GALNTL6: variants seen among roughly 807,000 people sequenced by gnomAD.
GALNTL6 encodes the protein polypeptide N-acetylgalactosaminyltransferase-like 6.
Under a neutral mutation model 73.7 loss-of-function variants are expected in GALNTL6, and 46 were observed. The observed-to-expected ratio is 0.62, with a 90% CI of 0.49 to 0.80. The LOEUF is 0.80. Ranked by LOEUF, GALNTL6 falls within the 30% of genes least tolerant of loss-of-function variation. The pLI is 0.00. For synonymous variants in GALNTL6, 259 were observed against 263.7 expected (o/e 0.98, Z 0.17); for missense variants, 604 against 755.0 (o/e 0.80, Z 2.34).
intron 5 of GALNTL6, among the ~76,000 whole-genome samples, chr4:172,625,110 A>G (rs1049811477): frequency 2.6e-5 from 4 of 152,016 alleles, no homozygotes; most frequent in Admixed American, 2.0e-4. Flanking sequence ...AAAGAAAAAT[A>G]TACTCACTAC....
intron 5 of GALNTL6, among the ~76,000 whole-genome samples, chr4:172,583,307 G>T (rs1296428080): frequency 6.6e-6 from 1 of 152,110 alleles, no homozygotes; most frequent in Non-Finnish European, 1.5e-5. Context: ...TAATAAACAT[G>T]CTGATTCTTA....
At chr4:172,335,796 C>T (rs1181785082) in intron 4 of GALNTL6, among the ~76,000 whole-genome samples, 1 of 152,072 alleles carries the variant, frequency 6.6e-6, no homozygotes, top group Non-Finnish European at 1.5e-5. Flanking sequence ...GTAGGGTCAT[C>T]TTTGTTGTAT....
chr4:172,854,468 A>G (rs1055395831), intron 7 of GALNTL6, among the ~76,000 whole-genome samples: 7 of 152,190 alleles, frequency 4.6e-5, no homozygotes, highest in Non-Finnish European at 1.0e-4. Flanking sequence ...GTTAGAGGGG[A>G]AGATGTATGG....
At chr4:172,677,412 G>A (rs1004617292) in intron 5 of GALNTL6, among the ~76,000 whole-genome samples, 5 of 152,170 alleles carry the variant, frequency 3.3e-5, no homozygotes, top group Non-Finnish European at 7.3e-5. Flanking sequence ...TAAAAGGGGA[G>A]AGGGGGAGAA....
At chr4:172,983,796 G>A (rs964339131) in intron 10 of GALNTL6, among the ~76,000 whole-genome samples, 4 of 152,244 alleles carry the variant, frequency 2.6e-5, no homozygotes, top group East Asian at 1.9e-4. Flanking sequence ...AGGGCCTACC[G>A]CTGCAAACTC....
intron 5 of GALNTL6, among the ~76,000 whole-genome samples, chr4:172,355,646 G>T (rs965678579): frequency 6.6e-6 from 1 of 152,058 alleles, no homozygotes; most frequent in African/African-American, 2.4e-5. Context: ...TCTTTAAAAT[G>T]TCTATATTGA....
intron 10 of GALNTL6, among the ~76,000 whole-genome samples, chr4:172,983,703 T>A (rs1038370209): frequency 1.3e-4 from 20 of 152,062 alleles, no homozygotes; most frequent in Middle Eastern, 3.4e-3. Context: ...CTCAAAAAAA[T>A]ATATATATAT....
At chr4:172,265,214 G>T (rs773232786) in intron 3 of GALNTL6, among the ~76,000 whole-genome samples, 17 of 151,960 alleles carry the variant, frequency 1.1e-4, no homozygotes, top group Non-Finnish European at 2.1e-4. Context: ...TCTGGAATTG[G>T]TTATCAACAG....
intron 3 of GALNTL6, among the ~76,000 whole-genome samples, chr4:172,306,380 T>C (rs1044230741): frequency 1.3e-5 from 2 of 151,970 alleles, no homozygotes; most frequent in African/African-American, 4.8e-5. Context: ...CAGAGCAAGA[T>C]TCCATCTCCA....
chr4:171,848,839 C>T (rs754503379), intron 2 of GALNTL6, among the ~76,000 whole-genome samples: 13 of 152,152 alleles, frequency 8.5e-5, no homozygotes, highest in African/African-American at 2.2e-4. Flanking sequence ...AAACTTTCTC[C>T]GTATCAGCAA....
At chr4:172,288,852 C>T (rs28771981) in intron 3 of GALNTL6, among the ~76,000 whole-genome samples, 23,855 of 151,962 alleles carry the variant, frequency 0.16, 2,065 homozygotes, top group Non-Finnish European at 0.19. Flanking sequence ...CATGAATTGA[C>T]CATGTTATAA....
intron 4 of GALNTL6, among the ~76,000 whole-genome samples, chr4:172,331,750 A>G (rs1385483854): frequency 1.3e-5 from 2 of 152,306 alleles, no homozygotes; most frequent in South Asian, 2.1e-4. Context: ...ATTTATGTAT[A>G]TACCACATTT....
At chr4:172,852,249 G>A (rs1743863486) in intron 7 of GALNTL6, among the ~76,000 whole-genome samples, 1 of 152,124 alleles carries the variant, frequency 6.6e-6, no homozygotes, top group South Asian at 2.1e-4. Context: ...TTCAGGGGCA[G>A]CCTTATTTGA....
At chr4:172,183,758 C>A (rs891429630) in intron 2 of GALNTL6, among the ~76,000 whole-genome samples, 1 of 150,668 alleles carries the variant, frequency 6.6e-6, no homozygotes, top group African/African-American at 2.4e-5. Flanking sequence ...ATCTTCTGAG[C>A]AAAGACGTTA....
chr4:172,293,982 A>G (rs1010908172), intron 3 of GALNTL6, among the ~76,000 whole-genome samples: 12 of 151,386 alleles, frequency 7.9e-5, no homozygotes, highest in Non-Finnish European at 1.3e-4. Flanking sequence ...ATACTTACCT[A>G]CGGTCATTTT....
At chr4:172,579,526 G>C (rs1737089448) in intron 5 of GALNTL6, among the ~76,000 whole-genome samples, 1 of 152,132 alleles carries the variant, frequency 6.6e-6, no homozygotes, top group Admixed American at 6.6e-5. Context: ...TAGAAGACTA[G>C]AGAGCAATGT....
intron 2 of GALNTL6, among the ~76,000 whole-genome samples, chr4:171,991,947 C>T (rs1478986708): frequency 6.6e-6 from 1 of 151,652 alleles, no homozygotes. Context: ...TTATTAACAA[C>T]TAATACAAGA....
At chr4:172,681,345 C>T (rs1409677827) in intron 5 of GALNTL6, among the ~76,000 whole-genome samples, 1 of 152,006 alleles carries the variant, frequency 6.6e-6, no homozygotes, top group Non-Finnish European at 1.5e-5. Flanking sequence ...ATGACGTACA[C>T]TTCATATCAC....
At chr4:172,190,056 T>G (rs1735528217) in intron 2 of GALNTL6, among the ~76,000 whole-genome samples, 1 of 152,150 alleles carries the variant, frequency 6.6e-6, no homozygotes, top group Non-Finnish European at 1.5e-5. Flanking sequence ...TATAGTCAAT[T>G]CAACAATGTT....
Sources: gnomAD v4.1 joint callset for allele counts (sites outside exome capture counted in the v4.1 genomes callset) on GRCh38, gnomAD v4.1.1 for gene constraint, MANE v1.5 for transcripts, NCBI Gene and HGNC (gene_info 2026-07-23, HGNC 2026-07-21) for gene names.